The following DACH2 variants were observed in gnomAD, a reference collection of about 807,000 sequenced individuals.
The protein encoded by DACH2 is dachshund family transcription factor 2, also known as dachshund homolog 2.
DACH2 carries 17 observed loss-of-function variants against 35.8 expected under a neutral mutation model. That is an observed-to-expected ratio of 0.48 (90% confidence interval 0.33 to 0.71). The LOEUF is 0.71. Among genes scored for constraint, DACH2 ranks in the 30% least tolerant of loss-of-function variants. The pLI is 0.02. For missense variants in DACH2, 469 were observed against 472.7 expected, an observed-to-expected ratio of 0.99 and a Z score of 0.07; for synonymous variants, 195 against 177.3, an observed-to-expected ratio of 1.10 and a Z score of -0.79.
intron 1 of DACH2, among the ~76,000 whole-genome samples, chrX:86,205,426 C>T: frequency 1.8e-5 from 1 of 54,903 alleles, no homozygotes; most frequent in Non-Finnish European, 3.3e-5. Context: ...TCCTTCCTTC[C>T]CTCCCTCCTC....
rs191522296 is a variant in DACH2 at position 86,453,629 on chromosome X, T to C, written c.528-60650T>C. 3.6e-5 allele frequency among the ~76,000 whole-genome samples: 4 copies of C among 111,896 alleles called. No homozygotes were observed. In the East Asian group the frequency reaches 1.1e-3, roughly 32 times the overall value. Reference sequence around the variant, plus strand: ...AAGTCTGTTTTCTAAGAAACTATGATTGTAACCCCTGTTTTTTTCTGTTTT... The same window carrying C: ...AAGTCTGTTTTCTAAGAAACTATGACTGTAACCCCTGTTTTTTTCTGTTTT... On this transcript the variant is annotated intron_variant, in intron 2 of 11. Coordinates refer to ENST00000373125, the MANE Select transcript of DACH2 (RefSeq NM_053281.3).
intron 7 of DACH2, among the ~76,000 whole-genome samples, chrX:86,791,897 T>C (rs1394469481): frequency 1.8e-5 from 2 of 111,826 alleles, no homozygotes; most frequent in Non-Finnish European, 3.8e-5. Flanking sequence ...AAACTTGTGT[T>C]ATGGGGGTTT....
intron 2 of DACH2, among the ~76,000 whole-genome samples, chrX:86,410,498 G>C (rs771601350): frequency 9.0e-6 from 1 of 111,578 alleles, no homozygotes. Flanking sequence ...AACTAACTAC[G>C]TGATTTTCCA....
intron 2 of DACH2, among the ~76,000 whole-genome samples, chrX:86,420,549 C>T (rs965126334): frequency 2.7e-5 from 3 of 111,282 alleles, no homozygotes; most frequent in Non-Finnish European, 5.7e-5. Flanking sequence ...TGTAACAGAA[C>T]ACATTTATAT....
At chrX:86,399,158 T>G in intron 2 of DACH2, among the ~76,000 whole-genome samples, 1 of 111,958 alleles carries the variant, frequency 8.9e-6, no homozygotes, top group African/African-American at 3.3e-5. Context: ...TCTCTTTTGA[T>G]CTTTGTTGGT....
At chrX:86,396,464 A>T (rs1290985728) in intron 2 of DACH2, among the ~76,000 whole-genome samples, 1 of 97,428 alleles carries the variant, frequency 1.0e-5, no homozygotes, top group Non-Finnish European at 2.1e-5. Flanking sequence ...GTCCTTGCCC[A>T]TGCCTATGTC....
At chrX:86,528,026 G>A (rs1328954159) in intron 3 of DACH2, among the ~76,000 whole-genome samples, 1 of 111,453 alleles carries the variant, frequency 9.0e-6, no homozygotes, top group African/African-American at 3.3e-5. Context: ...TTATAGTCTA[G>A]GAGTAATGGA....
Position 86,537,449 on chromosome X carries a change from A to G in DACH2, c.640+23058A>G, listed in dbSNP as rs1380993110. Among the ~76,000 whole-genome samples, 3 of 111,175 alleles carry G rather than the reference A, an allele frequency of 2.7e-5. No individual in the cohort carries two copies. The South Asian group carries it at 1.1e-3, about 42-fold the overall frequency. ...TAACCTCTGGCTTTGTTCTATTTATACTAATATTTGCAAACATTTTCTGGG... is the reference window on the plus strand; with the variant it reads ...TAACCTCTGGCTTTGTTCTATTTATGCTAATATTTGCAAACATTTTCTGGG... On this transcript the variant is annotated intron_variant, in intron 3 of 11. Transcript: ENST00000373125.
At chrX:86,205,170 A>G (rs2032253390) in intron 1 of DACH2, among the ~76,000 whole-genome samples, 1 of 111,266 alleles carries the variant, frequency 9.0e-6, no homozygotes. Flanking sequence ...AATAATGTCT[A>G]TTTTATGGGT....
intron 3 of DACH2, among the ~76,000 whole-genome samples, chrX:86,546,872 T>A (rs1268514603): frequency 1.8e-5 from 2 of 110,359 alleles, no homozygotes; most frequent in Middle Eastern, 4.6e-3. Context: ...AAACTACTGT[T>A]TGAAAATATC....
At chrX:86,398,869 G>A (rs1168239608) in intron 2 of DACH2, among the ~76,000 whole-genome samples, 1 of 111,886 alleles carries the variant, frequency 8.9e-6, no homozygotes, top group East Asian at 2.8e-4. Flanking sequence ...CTGTTGATTT[G>A]GGGTGGAGAT....
chrX:86,758,571 C>A (rs2041850438), intron 7 of DACH2, among the ~76,000 whole-genome samples: 1 of 111,610 alleles, frequency 9.0e-6, no homozygotes, highest in African/African-American at 3.2e-5. Context: ...CAGTTTTAAT[C>A]CATTGTGGTT....
At chrX:86,349,597 G>A (rs1260351809) in intron 1 of DACH2, among the ~76,000 whole-genome samples, 1 of 111,949 alleles carries the variant, frequency 8.9e-6, no homozygotes, top group Non-Finnish European at 1.9e-5. Context: ...AACACAGCTC[G>A]AGTTTAGTCA....
chrX:86,724,023 C>A (rs937464051), intron 6 of DACH2, among the ~76,000 whole-genome samples: 1 of 110,666 alleles, frequency 9.0e-6, no homozygotes, highest in Non-Finnish European at 1.9e-5. Context: ...AGGAAAGTTT[C>A]TTGTTACCAG....
intron 7 of DACH2, among the ~76,000 whole-genome samples, chrX:86,782,200 G>C (rs1418736789): frequency 9.0e-6 from 1 of 111,617 alleles, no homozygotes; most frequent in Non-Finnish European, 1.9e-5. Flanking sequence ...ACACTAAAAA[G>C]TGGGAAAATG....
chrX:86,218,317 A>G (rs1232093503), intron 1 of DACH2, among the ~76,000 whole-genome samples: 1 of 112,123 alleles, frequency 8.9e-6, no homozygotes, highest in Non-Finnish European at 1.9e-5. Flanking sequence ...TTTCCATGTT[A>G]TACAAGTGTT....
chrX:86,364,195 G>C lies in DACH2; in HGVS notation c.489-12629G>C, dbSNP rs892017011. Among the ~76,000 whole-genome samples the C allele has an allele frequency of 2.7e-5, 3 of 111,147 alleles. No individual in the cohort carries two copies. The Admixed American group carries it at 2.9e-4, about 11-fold the overall frequency. ...TGTTATGGGTAAATGGTGAGTGTGA[G>C]GTAATAAGGGCATGCTATTTGTGAG... On this transcript the variant is annotated intron_variant, in intron 1 of 11. Transcript: ENST00000373125.
Position 86,695,123 on chromosome X carries a change from G to A in DACH2, c.875G>A (p.Gly292Asp), listed in dbSNP as rs2041051869. Residue 292 changes from glycine to aspartate, a missense_variant, in exon 5 of 12, where the codon GGC becomes GAC. Gly to Asp is a moderately conservative substitution (Grantham distance 94). Transcript: ENST00000373125. ...CATGCAGCCCTAGCTGGCCAGCCAG[G>A]CATTGGGGGTGCTCCAACCCTCAAT... ...IAHAALAGQP[G>D]IGGAPTLNPL... 1.1e-5 allele frequency: 13 copies of A among 1,141,529 alleles called. No individual in the cohort carries two copies. The highest frequency in any genetic ancestry group is 2.6e-5 in the Admixed American group (1 of 37,849). The allele number at this position is 1,141,529 out of a possible 1,213,427, so 94.1% of individuals were successfully genotyped here.
At chrX:86,712,770 G>A (rs1219738019) in intron 5 of DACH2, among the ~76,000 whole-genome samples, 1 of 111,018 alleles carries the variant, frequency 9.0e-6, no homozygotes, top group Non-Finnish European at 1.9e-5. Flanking sequence ...AGTTTGGAAA[G>A]TTGTTCCTAA....
Sources: gnomAD v4.1 joint callset for allele counts (sites outside exome capture counted in the v4.1 genomes callset) on GRCh38, gnomAD v4.1.1 for gene constraint, MANE v1.5 for transcripts, NCBI Gene and HGNC (gene_info 2026-07-23, HGNC 2026-07-21) for gene names.